Variants in AFAP1 observed in about 807,000 individuals in gnomAD.
AFAP1 encodes the protein actin filament-associated protein 1.
In AFAP1, 75 loss-of-function variants were observed where a neutral mutation model predicts 93.9. The ratio of observed to expected loss-of-function variants is 0.80; its 90% CI spans 0.66 to 0.97. The LOEUF (loss-of-function observed/expected upper bound fraction) is 0.97. Ranked by LOEUF, AFAP1 falls within the 50% of genes least tolerant of loss-of-function variation. AFAP1 has a pLI of 0.00. For missense variants in AFAP1, 1,201 were observed against 1,050.8 expected, an observed-to-expected ratio of 1.14 and a Z score of -1.98; for synonymous variants, 517 against 430.7, an observed-to-expected ratio of 1.20 and a Z score of -2.48.
At chr4:7,809,168 TC>T (rs1411496029) in intron 9 of AFAP1, among the ~76,000 whole-genome samples, 1 of 151,966 alleles carries the variant, frequency 6.6e-6, no homozygotes, top group Non-Finnish European at 1.5e-5. Context: ...CATTAACTCA[TC>T]ATTTAGCATT....
chr4:7,768,943 G>C lies in AFAP1; in HGVS notation c.2319C>G (p.Thr773=), dbSNP rs367769936. ...CGCTGTTCACCGGCACGGGGCCCTC[G>C]GTGTCACTGGTGTCACAGCTGGAGA... ...SPISSCDTSD[T]EGPVPVNSAA... The change falls in exon 17 of 18, where the codon ACC becomes ACG. Residue 773 remains threonine, a synonymous_variant. Coordinates refer to ENST00000420658, the MANE Select transcript of AFAP1 (RefSeq NM_001134647.2). 6.2e-7 allele frequency: 1 copy of C among 1,613,804 alleles called. No homozygotes were observed. Among genetic ancestry groups the C allele is most frequent in the South Asian group, 1.1e-5 (1 of 91,042 alleles).
chr4:7,833,924 A>G (rs1272978120), intron 6 of AFAP1, among the ~76,000 whole-genome samples: 2 of 152,126 alleles, frequency 1.3e-5, no homozygotes, highest in Non-Finnish European at 2.9e-5. Flanking sequence ...TAGAAGCACC[A>G]TTCAATCAGG....
intron 1 of AFAP1, among the ~76,000 whole-genome samples, chr4:7,915,854 T>C (rs1334489452): frequency 1.3e-5 from 2 of 152,246 alleles, no homozygotes; most frequent in African/African-American, 4.8e-5. Flanking sequence ...TCACTCTACA[T>C]ACAATTAGCA....
At chr4:7,834,345 T>G (rs933713281) in intron 6 of AFAP1, among the ~76,000 whole-genome samples, 1 of 152,090 alleles carries the variant, frequency 6.6e-6, no homozygotes, top group Non-Finnish European at 1.5e-5. Context: ...CAATAGACTT[T>G]GGGGATTCAG....
chr4:7,784,683 G>A lies in AFAP1; in HGVS notation c.1530+1511C>T, dbSNP rs373175387. 5.2e-4 allele frequency among the ~76,000 whole-genome samples: 79 copies of A among 152,252 alleles called. 2 individuals carry two copies. The South Asian group carries it at 0.016, about 30-fold the overall frequency. On this transcript the variant is annotated intron_variant, in intron 12 of 17. Coordinates refer to ENST00000420658, the MANE Select transcript of AFAP1 (RefSeq NM_001134647.2). Reference sequence around the variant, plus strand: ...GGAGGCGGCCAATGGGAAGGCAACCGAGCCCCAGGGACACACTGCGTCCAT... The same window carrying A: ...GGAGGCGGCCAATGGGAAGGCAACCAAGCCCCAGGGACACACTGCGTCCAT...
At position 7,787,083 on chromosome 4, in the gene AFAP1, G is replaced by A. The variant is rs186625096; in HGVS notation, c.1413-772C>T. Among the ~76,000 whole-genome samples, 243 of 152,340 alleles carry A rather than the reference G, an allele frequency of 1.6e-3. 1 individual carries two copies. The highest frequency in any genetic ancestry group is 5.7e-3 in the African/African-American group (236 of 41,584). On this transcript the variant is annotated intron_variant, in intron 11 of 17. Coordinates refer to ENST00000420658, the MANE Select transcript of AFAP1 (RefSeq NM_001134647.2). ...TCTTTGTCCCAAGTTCCTGGTCAGGGCTCCTAAAACTCTTGGAATTTCATA... is the reference window on the plus strand; with the variant it reads ...TCTTTGTCCCAAGTTCCTGGTCAGGACTCCTAAAACTCTTGGAATTTCATA...
At chr4:7,857,648 A>T (rs919799389) in intron 3 of AFAP1, among the ~76,000 whole-genome samples, 7 of 152,248 alleles carry the variant, frequency 4.6e-5, no homozygotes, top group African/African-American at 1.4e-4. Context: ...CATCCAAGTT[A>T]AAATCTCTGC....
At chr4:7,786,433 G>A in intron 11 of AFAP1, 122 bp from the exon 12 acceptor site, 3 of 774,312 alleles carry the variant, frequency 3.9e-6, no homozygotes, top group Non-Finnish European at 6.6e-6. Flanking sequence ...GGGCAGAGAA[G>A]AAATACTAGA....
At chr4:7,799,214 T>C (rs1218838899) in intron 10 of AFAP1, 2 of 415,948 alleles carry the variant, frequency 4.8e-6, no homozygotes, top group East Asian at 1.6e-4. Context: ...CAGCCCTCTC[T>C]GTTAGATCAC....
chr4:7,864,143 A>AACTTCCCATCACAACACC (rs1560207870), intron 3 of AFAP1, among the ~76,000 whole-genome samples: 39 of 36,966 alleles, frequency 1.1e-3, no homozygotes, highest in East Asian at 6.5e-3. Context: ...ATCACAACAC[A>AACTTCCCATCACAACACC]TTCCCAACTT....
chr4:7,923,860 C>G (rs1256787895), intron 1 of AFAP1, among the ~76,000 whole-genome samples: 1 of 152,180 alleles, frequency 6.6e-6, no homozygotes, highest in East Asian at 1.9e-4. Flanking sequence ...GTCCCATCCC[C>G]TAATACCATC....
intron 1 of AFAP1, among the ~76,000 whole-genome samples, chr4:7,917,476 A>G (rs927593524): frequency 6.6e-6 from 1 of 152,286 alleles, no homozygotes; most frequent in East Asian, 1.9e-4. Flanking sequence ...TCTGTCTTCC[A>G]TATCATTTGA....
At chr4:7,771,278 AG>A (rs1311422110) in intron 16 of AFAP1, among the ~76,000 whole-genome samples, 16 of 144,870 alleles carry the variant, frequency 1.1e-4, no homozygotes, top group Non-Finnish European at 5.9e-5. Context: ...ACAGTGACTC[AG>A]GAAGTGAGGT....
chr4:7,783,082 T>C (rs997861901), intron 12 of AFAP1, among the ~76,000 whole-genome samples: 1 of 152,120 alleles, frequency 6.6e-6, no homozygotes, highest in Admixed American at 6.5e-5. Context: ...AGGGGGAACG[T>C]TGGGTAAACA....
chr4:7,938,575 C>G (rs1195207703), intron 1 of AFAP1, among the ~76,000 whole-genome samples: 1 of 152,100 alleles, frequency 6.6e-6, no homozygotes, highest in Non-Finnish European at 1.5e-5. Flanking sequence ...CCCTCGCTCT[C>G]CCCTCATAAA....
At chr4:7,780,640 C>CAT (rs1716663756) in intron 13 of AFAP1, among the ~76,000 whole-genome samples, 2 of 143,706 alleles carry the variant, frequency 1.4e-5, no homozygotes, top group Admixed American at 6.8e-5. Flanking sequence ...AGTGAGACTT[C>CAT]ATCTTTTTTT....
At chr4:7,837,118 C>G (rs964892360) in intron 6 of AFAP1, among the ~76,000 whole-genome samples, 2 of 152,062 alleles carry the variant, frequency 1.3e-5, no homozygotes, top group Admixed American at 6.5e-5. Context: ...AGAAATTTAA[C>G]AATGTACAAA....
intron 4 of AFAP1, among the ~76,000 whole-genome samples, chr4:7,845,901 T>C (rs1224403887): frequency 6.6e-6 from 1 of 152,032 alleles, no homozygotes; most frequent in East Asian, 1.9e-4. Flanking sequence ...GCAAGATCTT[T>C]ACAATCTAGG....
chr4:7,856,445 T>G (rs994860587), intron 3 of AFAP1, among the ~76,000 whole-genome samples: 1 of 152,042 alleles, frequency 6.6e-6, no homozygotes, highest in Non-Finnish European at 1.5e-5. Context: ...GTTTCACCGT[T>G]TAGCCAGGAT....
Sources: allele counts gnomAD v4.1 joint callset (sites outside exome capture counted in the v4.1 genomes callset), GRCh38; gene constraint gnomAD v4.1.1; transcripts MANE v1.5; gene names NCBI Gene and HGNC (gene_info 2026-07-23, HGNC 2026-07-21).